Variants in VPS53 observed in about 807,000 individuals in gnomAD.
The protein encoded by VPS53 is vacuolar protein sorting-associated protein 53 homolog.
In VPS53, 70 loss-of-function variants were observed where a neutral mutation model predicts 107.0. The ratio of observed to expected loss-of-function variants is 0.65; its 90% CI spans 0.54 to 0.80. The LOEUF is 0.80. Ranked by LOEUF, VPS53 falls within the 30% of genes least tolerant of loss-of-function variation. VPS53 has a pLI of 0.00. For missense variants in VPS53, 917 were observed against 1,049.4 expected, an observed-to-expected ratio of 0.87 and a Z score of 1.74; for synonymous variants, 409 against 393.3, an observed-to-expected ratio of 1.04 and a Z score of -0.47.
In VPS53 at chr17:627,225, C is replaced by G; in HGVS notation, c.923G>C (p.Arg308Pro). ...YEEKYGRMFP[R>P]EWCMAERIAV... The stretch of plus-strand genomic sequence containing the variant: ...AATCCTCTCAGCCATGCACCACTCA[C>G]GTGGAAACATGCGGCCGTATTTCTC... The change falls in exon 10 of 22, where the codon CGT becomes CCT. Residue 308 changes from arginine to proline, a missense_variant. By Grantham distance (103) the Arg-to-Pro change is moderately radical. Coordinates refer to ENST00000437048, the MANE Select transcript of VPS53 (RefSeq NM_001128159.3). The G allele has an allele frequency of 6.2e-7, 1 of 1,614,140 alleles. No individual in the cohort carries two copies. Among genetic ancestry groups the G allele is most frequent in the South Asian group, 1.1e-5 (1 of 91,056 alleles).
At chr17:699,149 G>A (rs1047283412) in intron 3 of VPS53, among the ~76,000 whole-genome samples, 182 bp downstream of exon 3, 3 of 152,004 alleles carry the variant, frequency 2.0e-5, no homozygotes, top group Non-Finnish European at 4.4e-5. Context: ...CCTAGGCAAT[G>A]AGCAAAAATC....
intron 13 of VPS53, among the ~76,000 whole-genome samples, chr17:574,427 T>C (rs749320038): frequency 5.9e-5 from 9 of 152,044 alleles, no homozygotes; most frequent in African/African-American, 9.7e-5. Flanking sequence ...TTAAACCAGG[T>C]AGGTTTTGGG....
At chr17:552,348 TTCTTC>T (rs1911904677) in intron 16 of VPS53, among the ~76,000 whole-genome samples, 1 of 151,960 alleles carries the variant, frequency 6.6e-6, no homozygotes, top group Non-Finnish European at 1.5e-5. Context: ...AGAATTTTGA[TTCTTC>T]GTCAATAAGT....
rs1908036648 is a variant in VPS53, at chr17:512,850, AG to A, written c.*6277del. 6.6e-6 allele frequency: 1 copy of A among 152,290 alleles called. No individual in the cohort carries two copies. Among genetic ancestry groups the A allele is most frequent in the Admixed American group, 6.5e-5 (1 of 15,290 alleles). 9.4% of individuals were successfully genotyped at this position (152,290 alleles called of 1,614,324 possible). A position where few individuals can be genotyped will look rare whatever the true frequency, so the allele number is the denominator to read the frequency against. On this transcript the variant is annotated 3_prime_UTR_variant, in exon 22 of 22. Coordinates refer to ENST00000437048, the MANE Select transcript of VPS53 (RefSeq NM_001128159.3). Reference sequence around the variant, plus strand: ...AGTTTTCATGGCAAAACGTCCATCCAGCTACTAAGGAAACAGGATGGACTCA... The same window carrying A: ...AGTTTTCATGGCAAAACGTCCATCCACTACTAAGGAAACAGGATGGACTCA...
At chr17:619,426 C>T (rs1222026238) in intron 11 of VPS53, among the ~76,000 whole-genome samples, 4 of 147,354 alleles carry the variant, frequency 2.7e-5, no homozygotes, top group Non-Finnish European at 6.0e-5. Context: ...CGTGCACCAC[C>T]ACACCCCACT....
chr17:624,783 T>G (rs1969619654), intron 10 of VPS53, among the ~76,000 whole-genome samples: 1 of 152,216 alleles, frequency 6.6e-6, no homozygotes, highest in Non-Finnish European at 1.5e-5. Context: ...TAACAGTTTC[T>G]CAAGGAATTC....
intron 10 of VPS53, among the ~76,000 whole-genome samples, chr17:626,891 G>A (rs535449839): frequency 3.3e-5 from 5 of 152,262 alleles, no homozygotes; most frequent in African/African-American, 1.2e-4. Flanking sequence ...GAAAACGTGG[G>A]GTAGAGGAAT....
chr17:594,458 C>T (rs4968090), intron 12 of VPS53, among the ~76,000 whole-genome samples: 39,968 of 146,178 alleles, frequency 0.27, 6,208 homozygotes, highest in Middle Eastern at 0.4. Context: ...CACTCTAGTG[C>T]CCCCCCTGGA....
rs546967393 is a variant in VPS53 at position 692,725 on chromosome 17, G to A, written c.285+4693C>T. On this transcript the variant is annotated intron_variant, in intron 4 of 21. Coordinates refer to ENST00000437048, the MANE Select transcript of VPS53 (RefSeq NM_001128159.3). ...TACAGATATAGAAGCACACCTAGCC[G>A]GGTGCGGTGGCTCACGCCTGTCATC... Among the ~76,000 whole-genome samples the A allele has an allele frequency of 3.3e-5, 5 of 152,336 alleles. No individual in the cohort carries two copies. The East Asian group carries it at 5.8e-4, about 18-fold the overall frequency.
At chr17:621,449 G>A (rs1169809555) in intron 11 of VPS53, among the ~76,000 whole-genome samples, 1 of 152,100 alleles carries the variant, frequency 6.6e-6, no homozygotes, top group African/African-American at 2.4e-5. Context: ...TGGTTTAGAT[G>A]TAAAATTGTT....
chr17:545,793 A>G (rs1199830743), intron 17 of VPS53, among the ~76,000 whole-genome samples: 1 of 152,260 alleles, frequency 6.6e-6, no homozygotes, highest in African/African-American at 2.4e-5. Flanking sequence ...ATGATTACAT[A>G]ACAAAGCAGA....
rs757478810 is a variant in VPS53 at position 586,279 on chromosome 17, G to T, written c.1304C>A (p.Ser435Tyr). ...FEPHLYVYIE[S>Y]QDKNLGELID... ...AATGTTCCTCACTCACTTGTCTTGG[G>T]ATTCGATATACACGTAGAGATGAGG... Residue 435 changes from serine (S) to tyrosine (Y), a missense_variant, in exon 13 of 22, where the codon TCC becomes TAC. By Grantham distance (144) the Ser-to-Tyr change is moderately radical. Transcript: ENST00000437048. 1 of 1,613,884 alleles carries T rather than the reference G, an allele frequency of 6.2e-7. No homozygotes were observed. Among genetic ancestry groups the T allele is most frequent in the South Asian group, 1.1e-5 (1 of 91,074 alleles).
intron 11 of VPS53, among the ~76,000 whole-genome samples, chr17:607,847 C>CA (rs1439820117): frequency 6.6e-6 from 1 of 152,084 alleles, no homozygotes; most frequent in Non-Finnish European, 1.5e-5. Context: ...GACCACAGGA[C>CA]AGTCAGGCTG....
At chr17:693,601 G>A (rs994417860) in intron 4 of VPS53, among the ~76,000 whole-genome samples, 2 of 152,168 alleles carry the variant, frequency 1.3e-5, no homozygotes, top group Admixed American at 1.3e-4. Flanking sequence ...GTGTGTGGTG[G>A]CACATGCCTG....
Position 653,389 on chromosome 17 carries a change from T to C in VPS53, c.510A>G (p.Gln170=). 1.9e-6 allele frequency: 3 copies of C among 1,614,274 alleles called. No individual in the cohort carries two copies. The highest frequency in any genetic ancestry group is 1.7e-6 in the Non-Finnish European group (2 of 1,180,056). The change falls in exon 7 of 22, where the codon CAA becomes CAG. Residue 170 remains glutamine (Q), a synonymous_variant. Transcript: ENST00000437048. ...DSLEAMTRRR[Q]YGEVANLLQG... is the part of the protein sequence containing the mutation. ...GAAGGAGATTAGCAACTTCTCCGTA[T>C]TGTCTTCGCCTGGTCATGGCTCTGC... is the stretch of plus-strand genomic sequence containing the variant.
chr17:627,793 C>T (rs559354772), intron 9 of VPS53, among the ~76,000 whole-genome samples: 1 of 152,234 alleles, frequency 6.6e-6, no homozygotes, highest in African/African-American at 2.4e-5. Context: ...CACACACACA[C>T]ACACAAAATC....
chr17:520,541 A>G lies in VPS53; in HGVS notation c.2224-611T>C, dbSNP rs936551770. ...AACTTAAACTATCAATTAACATACA[A>G]ACAAAGGAAAGGAACGGCACTGCAA... On this transcript the variant is annotated intron_variant, in intron 20 of 21. Transcript: ENST00000437048. This position sits in a 1 kb window ranked among gnomAD's most constrained non-coding sequence, Gnocchi z 4.4. Among the ~76,000 whole-genome samples, 1 of 152,174 alleles carries G rather than the reference A, an allele frequency of 6.6e-6. No individual in the cohort carries two copies. The highest frequency in any genetic ancestry group is 2.4e-5 in the African/African-American group (1 of 41,422).
intron 2 of VPS53, chr17:706,230 A>G (rs547124252): frequency 1.3e-5 from 2 of 152,280 alleles, no homozygotes; most frequent in Non-Finnish European, 2.9e-5. Flanking sequence ...GTGACAAATA[A>G]TATTTAAAAA....
intron 13 of VPS53, among the ~76,000 whole-genome samples, chr17:585,232 A>G (rs1389949141): frequency 6.6e-6 from 1 of 152,222 alleles, no homozygotes. Context: ...GACACAATGC[A>G]CTGGGGATAC....
Sources: allele counts gnomAD v4.1 joint callset (sites outside exome capture counted in the v4.1 genomes callset), GRCh38; gene constraint gnomAD v4.1.1; non-coding constraint Gnocchi (gnomAD v3.1); transcripts MANE v1.5; gene names NCBI Gene and HGNC (gene_info 2026-07-23, HGNC 2026-07-21).